The following TM9SF4 variants were observed in gnomAD, a reference collection of about 807,000 sequenced individuals.
TM9SF4 encodes the protein transmembrane 9 superfamily member 4.
TM9SF4 carries 26 observed loss-of-function variants against 90.4 expected under a neutral mutation model. The observed-to-expected ratio is 0.29, with a 90% CI of 0.21 to 0.40. The LOEUF is 0.40. TM9SF4 is among the 10% of genes least tolerant of loss of function. The pLI, the probability that TM9SF4 is intolerant of heterozygous loss-of-function variation, is 1.00. For synonymous variants in TM9SF4, 293 were observed against 315.4 expected (o/e 0.93, Z 0.75); for missense variants, 549 against 834.8 (o/e 0.66, Z 4.22).
At chr20:32,147,759 A>C (rs1175278682) in intron 9 of TM9SF4, among the ~76,000 whole-genome samples, 2 of 151,666 alleles carry the variant, frequency 1.3e-5, no homozygotes, top group Non-Finnish European at 2.9e-5. Context: ...AGGCTGAGGC[A>C]GGAGAATCAC....
rs2046901223 is a variant in TM9SF4, at chr20:32,155,174, C to T, written c.1317C>T (p.His439=). 1 of 1,614,090 alleles carries T rather than the reference C, an allele frequency of 6.2e-7. No homozygotes were observed. The highest frequency in any genetic ancestry group is 8.5e-7 in the Non-Finnish European group (1 of 1,179,934). ...TGAATTGCTTCATTTGGGGAAAGCACTCATCAGGAGCGGTAAGTGCCTCCC... is the reference window on the plus strand; with the variant it reads ...TGAATTGCTTCATTTGGGGAAAGCATTCATCAGGAGCGGTAAGTGCCTCCC... The part of the protein sequence containing the change: ...FVLNCFIWGK[H]SSGAVPFPTM... The change falls in exon 13 of 18, where the codon CAC becomes CAT. Residue 439 remains histidine, a synonymous_variant. Transcript: ENST00000398022.
At chr20:32,160,226 G>A (rs1038571838) in intron 16 of TM9SF4, 115 bp downstream of exon 16, 2 of 1,485,676 alleles carry the variant, frequency 1.3e-6, no homozygotes, top group African/African-American at 1.4e-5. Context: ...CCCTGCTTCT[G>A]GCTCTGAGCT....
At chr20:32,110,140 G>A in intron 1 of TM9SF4, 1 of 932,012 alleles carries the variant, frequency 1.1e-6, no homozygotes. Context: ...TCCAGACCCT[G>A]CTCTCCCCGC....
chr20:32,154,107 G>A (rs1253067303), intron 12 of TM9SF4, among the ~76,000 whole-genome samples: 1 of 152,108 alleles, frequency 6.6e-6, no homozygotes, highest in African/African-American at 2.4e-5. Flanking sequence ...AGGCAGTTTG[G>A]GTTGGGGCCC....
chr20:32,123,200 GGGGGA>G (rs2046358014), intron 1 of TM9SF4, among the ~76,000 whole-genome samples: 2 of 11,358 alleles, frequency 1.8e-4, no homozygotes, highest in Admixed American at 5.4e-4. Flanking sequence ...AGAGGGGGAG[GGGGGA>G]GGGGGAGGGG....
chr20:32,157,864 G>A lies in TM9SF4; in HGVS notation c.1400G>A (p.Gly467Asp). The part of the protein sequence containing the change: ...FGISLPLVYL[G>D]YYFGFRKQPY... ...ATCTCCCTGCCCCTCGTCTACTTGGGCTACTACTTCGGCTTCCGAAAGCAG... is the reference window on the plus strand; with the variant it reads ...ATCTCCCTGCCCCTCGTCTACTTGGACTACTACTTCGGCTTCCGAAAGCAG... Residue 467 changes from glycine to aspartate, a missense_variant, in exon 14 of 18, where the codon GGC becomes GAC. Coordinates refer to ENST00000398022, the MANE Select transcript of TM9SF4 (RefSeq NM_014742.4). 2 of 1,614,122 alleles carry A rather than the reference G, an allele frequency of 1.2e-6. No homozygotes were observed. Among genetic ancestry groups the A allele is most frequent in the Non-Finnish European group, 1.7e-6 (2 of 1,180,012 alleles).
chr20:32,164,617 C>A (rs528917782), intron 17 of TM9SF4, among the ~76,000 whole-genome samples: 8 of 152,152 alleles, frequency 5.3e-5, no homozygotes, highest in Admixed American at 2.0e-4. Flanking sequence ...ATTTTGTTTT[C>A]TTTGTTTCTT....
chr20:32,124,144 C>T (rs1190185010), intron 1 of TM9SF4, among the ~76,000 whole-genome samples: 2 of 152,106 alleles, frequency 1.3e-5, no homozygotes, highest in Non-Finnish European at 2.9e-5. Context: ...AGGTGTGAGC[C>T]TCCATGCCTG....
chr20:32,145,033 G>T (rs1049861563), intron 6 of TM9SF4, 58 bp from the exon 7 acceptor site: 1 of 1,546,272 alleles, frequency 6.5e-7, no homozygotes, highest in African/African-American at 1.4e-5. Flanking sequence ...CCCTGGAATA[G>T]CCCCTGGGCA....
At chr20:32,162,493 A>G (rs181300978) in intron 17 of TM9SF4, among the ~76,000 whole-genome samples, 50 of 152,320 alleles carry the variant, frequency 3.3e-4, no homozygotes, top group Admixed American at 3.1e-3. Context: ...ATTCATTAAC[A>G]TATCTGTCCA....
At chr20:32,146,411 A>G (rs2046763541) in intron 8 of TM9SF4, among the ~76,000 whole-genome samples, 1 of 152,068 alleles carries the variant, frequency 6.6e-6, no homozygotes, top group African/African-American at 2.4e-5. Context: ...TGCTGATGAG[A>G]ACATAGTGAG....
In TM9SF4 at chr20:32,149,504, A is replaced by G. The variant is rs911748191; in HGVS notation, c.955-130A>G. On this transcript the variant is annotated intron_variant, in intron 9 of 17. Coordinates refer to ENST00000398022, the MANE Select transcript of TM9SF4 (RefSeq NM_014742.4). ...CAGTTTCAGATAAGCACTTTCTCCT[A>G]TCACTTACACTCCTGTGTCAGAGCA... 99 of 1,190,798 alleles carry G rather than the reference A, an allele frequency of 8.3e-5. No individual in the cohort carries two copies. The African/African-American group carries it at 1.4e-3, about 17-fold the overall frequency. 73.8% of individuals were successfully genotyped at this position (1,190,798 alleles called of 1,614,324 possible). A position where few individuals can be genotyped will look rare whatever the true frequency, so the allele number is the denominator to read the frequency against.
rs1299177066 is a variant in TM9SF4, at chr20:32,149,696, G to C, written c.1017G>C (p.Gln339His). 8.1e-6 allele frequency: 13 copies of C among 1,614,224 alleles called. No individual in the cohort carries two copies. Among genetic ancestry groups the C allele is most frequent in the Non-Finnish European group, 1.1e-5 (13 of 1,180,046 alleles). The change falls in exon 10 of 18, where the codon CAG becomes CAC. Residue 339 changes from glutamine (Q) to histidine (H), a missense_variant. Around this residue, in one of 2 missense-constraint regions of TM9SF4, gnomAD observed 495 missense variants for 711.7 expected, o/e 0.70. Coordinates refer to ENST00000398022, the MANE Select transcript of TM9SF4 (RefSeq NM_014742.4). ...LVHGDVFRPP[Q>H]YPMILSSLLG... is the part of the protein sequence containing the mutation. ...ACGGCGACGTCTTCAGGCCCCCCCA[G>C]TACCCCATGATCCTCAGCTCCCTGC...
chr20:32,115,560 C>T (rs950480714), intron 1 of TM9SF4, among the ~76,000 whole-genome samples: 2 of 152,172 alleles, frequency 1.3e-5, no homozygotes, highest in African/African-American at 4.8e-5. Flanking sequence ...GCTTCCTTCT[C>T]TCCCTTCCTA....
At chr20:32,125,718 T>C (rs1158283936) in intron 1 of TM9SF4, among the ~76,000 whole-genome samples, 1 of 149,248 alleles carries the variant, frequency 6.7e-6, no homozygotes, top group Non-Finnish European at 1.5e-5. Context: ...ATAGTCTCGC[T>C]TTGTCACCCA....
chr20:32,165,274 T>C (rs2047083753), intron 17 of TM9SF4, 21 bp from the exon 18 acceptor site: 1 of 1,613,770 alleles, frequency 6.2e-7, no homozygotes, highest in Non-Finnish European at 8.5e-7. Flanking sequence ...CACCCTGTCT[T>C]CTTTCTGCTC....
rs569115457 is a variant in TM9SF4, at chr20:32,141,703, A to G, written c.398+38A>G. ...GTGCTCCTTGCTGCCTCAGGCTCACACAGGGGAGGACACTGACGGGAGAGG... is the reference window on the plus strand; with the variant it reads ...GTGCTCCTTGCTGCCTCAGGCTCACGCAGGGGAGGACACTGACGGGAGAGG... On this transcript the variant is annotated intron_variant, in intron 4 of 17. Coordinates refer to ENST00000398022, the MANE Select transcript of TM9SF4 (RefSeq NM_014742.4). 98 of 1,613,358 alleles carry G rather than the reference A, an allele frequency of 6.1e-5. No individual in the cohort carries two copies. The South Asian group carries it at 8.8e-4, about 14-fold the overall frequency.
chr20:32,153,733 G>A (rs923098677), intron 12 of TM9SF4, among the ~76,000 whole-genome samples: 1 of 151,954 alleles, frequency 6.6e-6, no homozygotes, highest in African/African-American at 2.4e-5. Context: ...GACAGAGTGA[G>A]ACCCTGTCTC....
At chr20:32,132,962 A>T in intron 1 of TM9SF4, 51 bp from the exon 2 acceptor site, 2 of 1,530,646 alleles carry the variant, frequency 1.3e-6, no homozygotes, top group Non-Finnish European at 1.8e-6. Flanking sequence ...GCCTCAGAGG[A>T]TCTTCTTCAC....
Sources: allele counts gnomAD v4.1 joint callset (sites outside exome capture counted in the v4.1 genomes callset), GRCh38; gene constraint gnomAD v4.1.1; regional missense constraint gnomAD v4.1.1; transcripts MANE v1.5; gene names NCBI Gene and HGNC (gene_info 2026-07-23, HGNC 2026-07-21).